LANCL2: variants seen among roughly 807,000 people sequenced by gnomAD.
LANCL2 encodes lanC-like protein 2.
A neutral mutation model predicts 56.9 loss-of-function variants in LANCL2; 33 were observed. The observed-to-expected ratio is 0.58, with a 90% CI of 0.44 to 0.78. LANCL2 has a LOEUF of 0.78. Ranked by LOEUF, LANCL2 falls within the 30% of genes least tolerant of loss-of-function variation. The probability of loss-of-function intolerance (pLI) is 0.00; values close to 1 mark genes in which losing one functional copy is unlikely to be tolerated. For synonymous variants in LANCL2, 233 were observed against 228.2 expected, an observed-to-expected ratio of 1.02 and a Z score of -0.19; for missense variants, 562 against 580.2, an observed-to-expected ratio of 0.97 and a Z score of 0.32.
At position 55,366,123 on chromosome 7, in the gene LANCL2, CCGCCGCCGGGGCGCTGCT is replaced by C. The variant is rs780219664; in HGVS notation, c.103_120del (p.Ala35_Ala40del). On this transcript the variant is annotated inframe_deletion, in exon 1 of 9. Coordinates refer to ENST00000254770, the MANE Select transcript of LANCL2 (RefSeq NM_018697.4). ...GTCAACCCCTTCCCGGACTACGAGGCCGCCGCCGGGGCGCTGCTCGCCTCCGGAGCGGCCGAAGAGACA... is the reference window on the plus strand; with the variant it reads ...GTCAACCCCTTCCCGGACTACGAGGCCGCCTCCGGAGCGGCCGAAGAGACA... The C allele has an allele frequency of 1.3e-6, 2 of 1,546,012 alleles. No individual in the cohort carries two copies. The highest frequency in any genetic ancestry group is 3.9e-5 in the Admixed American group (2 of 51,682).
intron 4 of LANCL2, among the ~76,000 whole-genome samples, chr7:55,400,369 G>T (rs370835343): frequency 6.6e-6 from 1 of 152,132 alleles, no homozygotes; most frequent in Non-Finnish European, 1.5e-5. Flanking sequence ...TTTATCTTTC[G>T]TGAGATGTCT....
chr7:55,425,972 C>T (rs73130063), intron 7 of LANCL2, among the ~76,000 whole-genome samples: 7,546 of 152,244 alleles, frequency 0.05, 270 homozygotes, highest in Middle Eastern at 0.082. Flanking sequence ...CTCTAGCCCG[C>T]CATAATACAG....
intron 5 of LANCL2, among the ~76,000 whole-genome samples, chr7:55,408,103 TAAGAG>T (rs1021988887): frequency 1.3e-5 from 2 of 152,146 alleles, no homozygotes; most frequent in African/African-American, 4.8e-5. Flanking sequence ...CTCAGGGAAA[TAAGAG>T]AAGCTGTTGC....
At chr7:55,380,911 G>C (rs965015400) in intron 1 of LANCL2, among the ~76,000 whole-genome samples, 1 of 131,656 alleles carries the variant, frequency 7.6e-6, no homozygotes, top group Non-Finnish European at 1.6e-5. Context: ...GCTCTTTTTC[G>C]CCCAGGCTGG....
In LANCL2 at chr7:55,398,704, G is replaced by A. The variant is rs913844653; in HGVS notation, c.530+74G>A. 3.5e-6 allele frequency: 4 copies of A among 1,157,612 alleles called. No individual in the cohort carries two copies. In the Admixed American group the frequency reaches 7.5e-5, roughly 22 times the overall value. The allele number at this position is 1,157,612 out of a possible 1,614,324, so 71.7% of individuals were successfully genotyped here. ...CTTGCTGTAGAAAGATATTCAGAAA[G>A]GAAACTATTTTTCCATTCATCCATT... is the stretch of plus-strand genomic sequence containing the variant. On this transcript the variant is annotated intron_variant, in intron 3 of 8. Coordinates refer to ENST00000254770, the MANE Select transcript of LANCL2 (RefSeq NM_018697.4).
intron 8 of LANCL2, among the ~76,000 whole-genome samples, chr7:55,430,817 A>G (rs1023106044): frequency 1.3e-5 from 2 of 152,200 alleles, no homozygotes; most frequent in African/African-American, 4.8e-5. Flanking sequence ...GATTTTGACC[A>G]AATTGAGGTT....
At position 55,433,724 on chromosome 7, in the gene LANCL2, GTGGTGATGAC is replaced by G. The variant is rs1290420933; in HGVS notation, c.*2405_*2414del. On this transcript the variant is annotated 3_prime_UTR_variant, in exon 9 of 9. Coordinates refer to ENST00000254770, the MANE Select transcript of LANCL2 (RefSeq NM_018697.4). ...GGTTTTGTTAGTAAAAGCCAGTTCT[GTGGTGATGAC>G]CTATGGAATCGTCATTCGTTTTCAT... The G allele has an allele frequency of 1.1e-4, 16 of 152,238 alleles. No individual in the cohort carries two copies. Among genetic ancestry groups the G allele is most frequent in the East Asian group, 3.8e-4 (2 of 5,200 alleles). The allele number at this position is 152,238 out of a possible 1,614,324, so 9.4% of individuals were successfully genotyped here.
intron 6 of LANCL2, among the ~76,000 whole-genome samples, chr7:55,416,691 T>C (rs922819221): frequency 1.3e-5 from 2 of 152,204 alleles, no homozygotes; most frequent in African/African-American, 2.4e-5. Flanking sequence ...CTGTCAGATA[T>C]ATATCGTACA....
rs114363761 is a variant in LANCL2, at chr7:55,404,237, G to T, written c.825+2917G>T. Among the ~76,000 whole-genome samples, 1,200 of 152,028 alleles carry T rather than the reference G, an allele frequency of 7.9e-3. 23 individuals are homozygous for T. The highest frequency in any genetic ancestry group is 0.028 in the African/African-American group (1,141 of 41,456). On this transcript the variant is annotated intron_variant, in intron 5 of 8. Transcript: ENST00000254770. Reference sequence around the variant, plus strand: ...CAAGCGCACAGCCGCCTCTGCCACCGCCTCCTCCTCCTTCTTCTCCTCCTC... The same window carrying T: ...CAAGCGCACAGCCGCCTCTGCCACCTCCTCCTCCTCCTTCTTCTCCTCCTC...
chr7:55,372,836 G>A (rs1789958771), intron 1 of LANCL2, among the ~76,000 whole-genome samples: 2 of 152,164 alleles, frequency 1.3e-5, no homozygotes, highest in African/African-American at 2.4e-5. Flanking sequence ...AATATGGTTA[G>A]ATGTACAATA....
chr7:55,402,726 G>T (rs1171732224), intron 5 of LANCL2, among the ~76,000 whole-genome samples: 5 of 126,532 alleles, frequency 4.0e-5, no homozygotes, highest in African/African-American at 6.1e-5. Flanking sequence ...CCCAGACGGG[G>T]TGGCTGCCGG....
intron 6 of LANCL2, among the ~76,000 whole-genome samples, chr7:55,417,501 A>C (rs1790558143): frequency 6.6e-6 from 1 of 152,102 alleles, no homozygotes; most frequent in Non-Finnish European, 1.5e-5. Context: ...GTAAGTTTTG[A>C]GATCAGGTAA....
At position 55,425,337 on chromosome 7, in the gene LANCL2, C is replaced by T. The variant is rs1232503019; in HGVS notation, c.1092C>T (p.Tyr364=). ...AGCGAGGTTTGCTGCGGAAGGGCTA[C>T]GGGATATGCCATGGGACTGCTGGCA... ...IWQRGLLRKG[Y]GICHGTAGNG... is the part of the protein sequence containing the mutation. Residue 364 remains tyrosine (Y), a synonymous_variant, in exon 7 of 9, where the codon TAC becomes TAT. Coordinates refer to ENST00000254770, the MANE Select transcript of LANCL2 (RefSeq NM_018697.4). 1.1e-5 allele frequency: 17 copies of T among 1,613,986 alleles called. No homozygotes were observed. The highest frequency in any genetic ancestry group is 1.3e-5 in the African/African-American group (1 of 74,894).
chr7:55,386,865 G>T (rs953563530), intron 1 of LANCL2, among the ~76,000 whole-genome samples: 1 of 152,164 alleles, frequency 6.6e-6, no homozygotes, highest in African/African-American at 2.4e-5. Flanking sequence ...TAGGATATTG[G>T]ACCTTGCTGG....
In LANCL2 at chr7:55,365,732, G is replaced by A. The variant is rs568010143; in HGVS notation, c.-294G>A. 8.4e-5 allele frequency: 25 copies of A among 296,880 alleles called. No homozygotes were observed. The highest frequency in any genetic ancestry group is 7.3e-4 in the South Asian group (5 of 6,894). 18.4% of individuals were successfully genotyped at this position (296,880 alleles called of 1,614,324 possible). A position where few individuals can be genotyped will look rare whatever the true frequency, so the allele number is the denominator to read the frequency against. On this transcript the variant is annotated 5_prime_UTR_variant, in exon 1 of 9. Transcript: ENST00000254770. ...GGGAAGGTGCGAGGAGGCGCGAGCAGGCTGTGAGCCGCTGGGCGCTCCCGC... is the reference window on the plus strand; with the variant it reads ...GGGAAGGTGCGAGGAGGCGCGAGCAAGCTGTGAGCCGCTGGGCGCTCCCGC...
intron 1 of LANCL2, among the ~76,000 whole-genome samples, chr7:55,381,740 A>C (rs1048879984): frequency 6.6e-6 from 1 of 152,264 alleles, no homozygotes; most frequent in African/African-American, 2.4e-5. Flanking sequence ...TCATATATAC[A>C]TGGGACGTAC....
At chr7:55,371,049 T>C (rs543391085) in intron 1 of LANCL2, among the ~76,000 whole-genome samples, 2 of 152,350 alleles carry the variant, frequency 1.3e-5, no homozygotes, top group African/African-American at 2.4e-5. Flanking sequence ...CTGAAATCTA[T>C]TCACTTAGCG....
chr7:55,383,278 G>A (rs2128991982), intron 1 of LANCL2, among the ~76,000 whole-genome samples: 1 of 152,312 alleles, frequency 6.6e-6, no homozygotes, highest in South Asian at 2.1e-4. Context: ...GAGGCAGAGG[G>A]AGGGAGGCTC....
chr7:55,426,315 A>G (rs6958884), intron 7 of LANCL2, among the ~76,000 whole-genome samples: 54,787 of 152,114 alleles, frequency 0.36, 10,356 homozygotes, highest in East Asian at 0.52. Flanking sequence ...GATGAATGGC[A>G]TAGAGCAAGA....
Sources: gnomAD v4.1 joint callset for allele counts (sites outside exome capture counted in the v4.1 genomes callset) on GRCh38, gnomAD v4.1.1 for gene constraint, MANE v1.5 for transcripts, NCBI Gene and HGNC (gene_info 2026-07-23, HGNC 2026-07-21) for gene names.